Variants in NEGR1 observed in about 807,000 individuals in gnomAD.
NEGR1 encodes the protein neuronal growth regulator 1, also known as IgLON family member 4.
A neutral mutation model predicts 40.9 loss-of-function variants in NEGR1; 10 were observed. The ratio of observed to expected loss-of-function variants is 0.24; its 90% CI spans 0.15 to 0.42. NEGR1 has a LOEUF of 0.42. Ranked by LOEUF, NEGR1 falls within the 10% of genes least tolerant of loss-of-function variation. The pLI is 1.00. For missense variants in NEGR1, 352 were observed against 438.9 expected, an observed-to-expected ratio of 0.80 and a Z score of 1.77; for synonymous variants, 185 against 166.8, an observed-to-expected ratio of 1.11 and a Z score of -0.84.
chr1:71,739,544 A>T (rs1655150535), intron 3 of NEGR1, among the ~76,000 whole-genome samples: 1 of 152,120 alleles, frequency 6.6e-6, no homozygotes, highest in Non-Finnish European at 1.5e-5. Context: ...AACCCTCTTA[A>T]ATCATTCTTA....
chr1:71,799,511 G>A (rs1013519944), intron 2 of NEGR1, among the ~76,000 whole-genome samples: 1 of 152,164 alleles, frequency 6.6e-6, no homozygotes, highest in Non-Finnish European at 1.5e-5. Context: ...ACATAGGTGA[G>A]CATGTGTCTT....
At chr1:72,272,790 T>C (rs1013460465) in intron 1 of NEGR1, among the ~76,000 whole-genome samples, 3 of 151,864 alleles carry the variant, frequency 2.0e-5, no homozygotes, top group African/African-American at 7.3e-5. Flanking sequence ...CTTAGAAAAA[T>C]TCAGTAAAGA....
At chr1:71,756,729 G>A (rs779068070) in intron 3 of NEGR1, among the ~76,000 whole-genome samples, 24 of 151,744 alleles carry the variant, frequency 1.6e-4, no homozygotes, top group Middle Eastern at 3.4e-3. Context: ...CTAATACATC[G>A]TCAGAATGAC....
At chr1:71,491,049 T>C (rs1322786793) in intron 6 of NEGR1, among the ~76,000 whole-genome samples, 1 of 152,006 alleles carries the variant, frequency 6.6e-6, no homozygotes, top group Admixed American at 6.6e-5. Context: ...ATTAAAAAAA[T>C]TCAATTGGCC....
chr1:71,822,155 T>C (rs1268479492), intron 2 of NEGR1, among the ~76,000 whole-genome samples: 2 of 151,978 alleles, frequency 1.3e-5, no homozygotes, highest in Non-Finnish European at 2.9e-5. Context: ...ACTGGTCTTC[T>C]ACTTCATGTG....
rs191547753 is a variant in NEGR1, at chr1:71,962,328, T to A, written c.177-27017A>T. Among the ~76,000 whole-genome samples the A allele has an allele frequency of 7.2e-5, 11 of 152,196 alleles. No individual in the cohort carries two copies. The East Asian group carries it at 2.1e-3, about 29-fold the overall frequency. On this transcript the variant is annotated intron_variant, in intron 1 of 6. Transcript: ENST00000357731. ...GGGGATGATGGTAAAGGGAAGTACA[T>A]AATTATTGTGAGAAAAATCCACAGC... is the stretch of plus-strand genomic sequence containing the variant.
At chr1:71,753,288 A>G (rs1467994433) in intron 3 of NEGR1, among the ~76,000 whole-genome samples, 1 of 152,150 alleles carries the variant, frequency 6.6e-6, no homozygotes, top group African/African-American at 2.4e-5. Flanking sequence ...AATTACCTAA[A>G]TTATTTTGGG....
At chr1:71,421,492 A>C (rs1023624079) in intron 6 of NEGR1, 4 of 152,238 alleles carry the variant, frequency 2.6e-5, no homozygotes, top group African/African-American at 9.6e-5. Flanking sequence ...AAAAACAATA[A>C]GTGTGTCAAT....
At chr1:71,823,294 C>A (rs895244359) in intron 2 of NEGR1, among the ~76,000 whole-genome samples, 1 of 150,782 alleles carries the variant, frequency 6.6e-6, no homozygotes. Context: ...AACCAAATCT[C>A]CACTCAATAA....
At position 71,826,544 on chromosome 1, in the gene NEGR1, C is replaced by G. The variant is rs532049679; in HGVS notation, c.410-50247G>C. Among the ~76,000 whole-genome samples, 6 of 151,918 alleles carry G rather than the reference C, an allele frequency of 3.9e-5. No individual in the cohort carries two copies. In the South Asian group the frequency reaches 1.0e-3, roughly 26 times the overall value. ...CAATTTGCAAATAACATGATGCACA[C>G]TTTCTGAAAAGAGATATAAGTAGAT... On this transcript the variant is annotated intron_variant, in intron 2 of 6. Coordinates refer to ENST00000357731, the MANE Select transcript of NEGR1 (RefSeq NM_173808.3).
intron 2 of NEGR1, among the ~76,000 whole-genome samples, chr1:71,805,634 G>C (rs1227126559): frequency 1.3e-5 from 2 of 152,122 alleles, no homozygotes; most frequent in Non-Finnish European, 2.9e-5. Context: ...GTTGTATTTA[G>C]CTAGATATTT....
At chr1:72,098,145 C>T (rs991294609) in intron 1 of NEGR1, among the ~76,000 whole-genome samples, 2 of 152,086 alleles carry the variant, frequency 1.3e-5, no homozygotes, top group African/African-American at 4.8e-5. Context: ...GGAAAAAGAA[C>T]AAGAAGCAGT....
chr1:72,036,318 T>C (rs1319025319), intron 1 of NEGR1, among the ~76,000 whole-genome samples: 6 of 152,084 alleles, frequency 3.9e-5, no homozygotes, highest in African/African-American at 1.4e-4. Flanking sequence ...AAAGCCCTCC[T>C]AGGCTATAGT....
At chr1:71,497,158 G>A (rs572302155) in intron 6 of NEGR1, among the ~76,000 whole-genome samples, 10 of 152,046 alleles carry the variant, frequency 6.6e-5, no homozygotes, top group African/African-American at 2.4e-4. Flanking sequence ...ATACCAGCTA[G>A]TATTTTACAT....
intron 2 of NEGR1, among the ~76,000 whole-genome samples, chr1:71,856,903 T>C (rs1659786137): frequency 6.6e-6 from 1 of 152,068 alleles, no homozygotes; most frequent in African/African-American, 2.4e-5. Context: ...ATATATATGT[T>C]TTCATGTATC....
At chr1:71,973,177 G>C (rs908480994) in intron 1 of NEGR1, among the ~76,000 whole-genome samples, 1 of 152,176 alleles carries the variant, frequency 6.6e-6, no homozygotes, top group Admixed American at 6.5e-5. Flanking sequence ...TTAGCTGGGC[G>C]TGGTGGCGGG....
intron 2 of NEGR1, among the ~76,000 whole-genome samples, chr1:71,869,353 C>T (rs976487097): frequency 2.6e-5 from 4 of 151,940 alleles, no homozygotes; most frequent in African/African-American, 7.3e-5. Context: ...TAAAGCTATA[C>T]TATGATGAAA....
chr1:71,496,671 C>A (rs1391041506), intron 6 of NEGR1, among the ~76,000 whole-genome samples: 1 of 151,884 alleles, frequency 6.6e-6, no homozygotes, highest in Non-Finnish European at 1.5e-5. Context: ...CCTGAAGGAC[C>A]CTAAATTGGG....
intron 6 of NEGR1, among the ~76,000 whole-genome samples, chr1:71,585,004 A>C (rs1649256800): frequency 6.6e-6 from 1 of 152,104 alleles, no homozygotes; most frequent in South Asian, 2.1e-4. Flanking sequence ...CATAAAGGAA[A>C]TTTCTCTGGA....
Sources: allele counts gnomAD v4.1 joint callset (sites outside exome capture counted in the v4.1 genomes callset), GRCh38; gene constraint gnomAD v4.1.1; transcripts MANE v1.5; gene names NCBI Gene and HGNC (gene_info 2026-07-23, HGNC 2026-07-21).